Variants in CADM1 observed in about 807,000 individuals in gnomAD.
CADM1 encodes the protein cell adhesion molecule 1.
In CADM1, 15 loss-of-function variants were observed where a neutral mutation model predicts 53.1. That is an observed-to-expected ratio of 0.28 (90% CI 0.19 to 0.44). The LOEUF (loss-of-function observed/expected upper bound fraction) is 0.44. Among genes scored for constraint, CADM1 ranks in the 20% least tolerant of loss-of-function variants. The pLI, the probability that CADM1 is intolerant of heterozygous loss-of-function variation, is 1.00. For missense variants in CADM1, 434 were observed against 611.3 expected (o/e 0.71, Z 3.06); for synonymous variants, 281 against 243.0 (o/e 1.16, Z -1.45).
Position 115,190,928 on chromosome 11 carries a change from C to T in CADM1, c.1125G>A (p.Leu375=). 3 of 1,593,860 alleles carry T rather than the reference C, an allele frequency of 1.9e-6. No individual in the cohort carries two copies. The highest frequency in any genetic ancestry group is 2.5e-6 in the Non-Finnish European group (3 of 1,177,808). ...TGTCCAGTTCTTCTGCGGAATTGGG[C>T]AACTGAGTAAGGCCTTACAAGTAAA... ...TEPAVHGLTQ[L]PNSAEELDSE... Residue 375 remains leucine, a synonymous_variant, in exon 10 of 12, where the codon TTG becomes TTA. Transcript: ENST00000331581.
At chr11:115,251,065 A>C (rs1321220268) in intron 1 of CADM1, among the ~76,000 whole-genome samples, 1 of 152,236 alleles carries the variant, frequency 6.6e-6, no homozygotes, top group Non-Finnish European at 1.5e-5. Context: ...CAGCCAATCT[A>C]TCAGCAACCA....
intron 1 of CADM1, among the ~76,000 whole-genome samples, chr11:115,253,637 T>C (rs1315667441): frequency 6.6e-6 from 1 of 152,202 alleles, no homozygotes; most frequent in Non-Finnish European, 1.5e-5. Context: ...CAGTAGTTAC[T>C]GACATAATTT....
At chr11:115,253,253 TCTG>T (rs1942664785) in intron 1 of CADM1, among the ~76,000 whole-genome samples, 1 of 152,230 alleles carries the variant, frequency 6.6e-6, no homozygotes, top group Admixed American at 6.5e-5. Context: ...GCACGTGTCC[TCTG>T]CTGTTTCCCT....
Position 115,370,691 on chromosome 11 carries a change from A to G in CADM1, c.125-130271T>C, listed in dbSNP as rs113672727. Among the ~76,000 whole-genome samples, 153 of 152,230 alleles carry G rather than the reference A, an allele frequency of 1.0e-3. 1 individual carries two copies. The highest frequency in any genetic ancestry group is 3.6e-3 in the African/African-American group (151 of 41,554). On this transcript the variant is annotated intron_variant, in intron 1 of 11. Coordinates refer to ENST00000331581, the MANE Select transcript of CADM1 (RefSeq NM_001301043.2). ...TTCCGTTGTTTAAGCCACCCACACT[A>G]TGGTATCTTAATATGGCAGCCCAAG...
At chr11:115,477,209 C>T (rs1299743605) in intron 1 of CADM1, among the ~76,000 whole-genome samples, 1 of 151,974 alleles carries the variant, frequency 6.6e-6, no homozygotes, top group Non-Finnish European at 1.5e-5. Context: ...AATCAAGGTA[C>T]ACAGAATGCA....
intron 1 of CADM1, among the ~76,000 whole-genome samples, chr11:115,363,035 T>A (rs1417715754): frequency 1.3e-5 from 2 of 152,074 alleles, no homozygotes; most frequent in East Asian, 1.9e-4. Flanking sequence ...CAATTTCAAG[T>A]CCCTACCAAC....
At chr11:115,272,819 C>A (rs1943337345) in intron 1 of CADM1, among the ~76,000 whole-genome samples, 1 of 151,190 alleles carries the variant, frequency 6.6e-6, no homozygotes, top group Non-Finnish European at 1.5e-5. Context: ...TTAGTGGGTG[C>A]AGCACACCAG....
intron 1 of CADM1, among the ~76,000 whole-genome samples, chr11:115,448,490 A>G (rs756574768): frequency 6.6e-6 from 1 of 152,190 alleles, no homozygotes; most frequent in African/African-American, 2.4e-5. Context: ...CTTGCCAAGG[A>G]TATTCCCAAA....
At chr11:115,199,337 G>C (rs765026797) in intron 8 of CADM1, among the ~76,000 whole-genome samples, 2 of 152,228 alleles carry the variant, frequency 1.3e-5, no homozygotes, top group Non-Finnish European at 2.9e-5. Flanking sequence ...TGGAGTAGGA[G>C]AGAGTGCAGT....
chr11:115,289,863 G>C (rs1453157528), intron 1 of CADM1, among the ~76,000 whole-genome samples: 2 of 152,022 alleles, frequency 1.3e-5, no homozygotes, highest in African/African-American at 4.8e-5. Flanking sequence ...CCAAAGTGCT[G>C]GGATTACAGG....
At chr11:115,356,540 T>A (rs1285774862) in intron 1 of CADM1, among the ~76,000 whole-genome samples, 5 of 152,114 alleles carry the variant, frequency 3.3e-5, no homozygotes, top group Non-Finnish European at 1.5e-5. Flanking sequence ...AATAGGGGAA[T>A]GTCAGTGAAT....
chr11:115,467,850 T>G (rs1948928418), intron 1 of CADM1, among the ~76,000 whole-genome samples: 1 of 152,204 alleles, frequency 6.6e-6, no homozygotes, highest in South Asian at 2.1e-4. Flanking sequence ...CTTTAAAAAT[T>G]TTTTAAATCA....
In CADM1 at chr11:115,403,216, A is replaced by G. The variant is rs1327344386; in HGVS notation, c.124+101055T>C. The stretch of plus-strand genomic sequence containing the variant: ...TCAACCATGAGAAAATATCAAAAAA[A>G]TCCAAACTGAGGGACATTCTTCAAA... On this transcript the variant is annotated intron_variant, in intron 1 of 11. Coordinates refer to ENST00000331581, the MANE Select transcript of CADM1 (RefSeq NM_001301043.2). Among the ~76,000 whole-genome samples, 3 of 152,230 alleles carry G rather than the reference A, an allele frequency of 2.0e-5. No homozygotes were observed. The East Asian group carries it at 5.8e-4, about 29-fold the overall frequency.
At chr11:115,355,290 T>C (rs537088986) in intron 1 of CADM1, among the ~76,000 whole-genome samples, 1 of 152,016 alleles carries the variant, frequency 6.6e-6, no homozygotes, top group African/African-American at 2.4e-5. Flanking sequence ...TAAAAAAGAA[T>C]GGATCATATC....
At chr11:115,448,648 G>A (rs1262028000) in intron 1 of CADM1, among the ~76,000 whole-genome samples, 1 of 148,570 alleles carries the variant, frequency 6.7e-6, no homozygotes, top group Admixed American at 6.8e-5. Context: ...ACCCATTAAT[G>A]TGTGTTGGGG....
rs568854634 is a variant in CADM1 at position 115,265,015 on chromosome 11, A to G, written c.125-24595T>C. On this transcript the variant is annotated intron_variant, in intron 1 of 11. Coordinates refer to ENST00000331581, the MANE Select transcript of CADM1 (RefSeq NM_001301043.2). Reference sequence around the variant, plus strand: ...GACACACGCACACACTCAAACCATTATATTAGGAATGAAAAGTCTGTTAGC... The same window carrying G: ...GACACACGCACACACTCAAACCATTGTATTAGGAATGAAAAGTCTGTTAGC... Among the ~76,000 whole-genome samples the G allele has an allele frequency of 8.5e-5, 13 of 152,294 alleles. No homozygotes were observed. The East Asian group carries it at 2.5e-3, about 29-fold the overall frequency.
Position 115,249,528 on chromosome 11 carries a change from A to G in CADM1, c.125-9108T>C, listed in dbSNP as rs530507376. 5.3e-5 allele frequency among the ~76,000 whole-genome samples: 8 copies of G among 152,364 alleles called. No individual in the cohort carries two copies. In the East Asian group the frequency reaches 1.5e-3, roughly 29 times the overall value. On this transcript the variant is annotated intron_variant, in intron 1 of 11. Transcript: ENST00000331581. ...TATAGAACTATCTACATTTCCCAAA[A>G]CACAAGCTATTCACAACTAAAACAA...
intron 1 of CADM1, among the ~76,000 whole-genome samples, chr11:115,366,420 T>C (rs1591751309): frequency 6.6e-6 from 1 of 152,294 alleles, no homozygotes; most frequent in East Asian, 1.9e-4. Context: ...TACACACAGG[T>C]CATCTGTACA....
intron 1 of CADM1, among the ~76,000 whole-genome samples, chr11:115,401,347 G>A (rs1292300642): frequency 5.3e-5 from 8 of 151,900 alleles, no homozygotes; most frequent in African/African-American, 1.4e-4. Context: ...GGTGGCCCAC[G>A]CCTGTAATCC....
Sources: allele counts gnomAD v4.1 joint callset (sites outside exome capture counted in the v4.1 genomes callset), GRCh38; gene constraint gnomAD v4.1.1; transcripts MANE v1.5; gene names NCBI Gene and HGNC (gene_info 2026-07-23, HGNC 2026-07-21).